HS3ST4: variants seen among roughly 807,000 people sequenced by gnomAD.
HS3ST4 encodes the protein heparan sulfate-glucosamine 3-sulfotransferase 4.
HS3ST4 carries 17 observed loss-of-function variants against 29.2 expected under a neutral mutation model. The observed-to-expected ratio is 0.58, with a 90% CI of 0.40 to 0.87. The LOEUF (loss-of-function observed/expected upper bound fraction) is 0.87. Among genes scored for constraint, HS3ST4 ranks in the 40% least tolerant of loss-of-function variants. The pLI is 0.00. For synonymous variants in HS3ST4, 314 were observed against 285.7 expected (o/e 1.10, Z -1.00); for missense variants, 627 against 634.5 (o/e 0.99, Z 0.13).
chr16:25,828,301 C>CTTTCTCTCT (rs1555467593), intron 1 of HS3ST4, among the ~76,000 whole-genome samples: 14 of 32,882 alleles, frequency 4.3e-4, no homozygotes, highest in Non-Finnish European at 6.0e-4. Flanking sequence ...TCTTTCTTTC[C>CTTTCTCTCT]CTCTCTCTCT....
chr16:25,930,926 A>AC (rs1968456388), intron 1 of HS3ST4, among the ~76,000 whole-genome samples: 2 of 152,156 alleles, frequency 1.3e-5, no homozygotes, highest in East Asian at 1.9e-4. Flanking sequence ...AAAAACAAAA[A>AC]AAAAACTCAG....
At chr16:25,784,968 G>A (rs1418732730) in intron 1 of HS3ST4, among the ~76,000 whole-genome samples, 1 of 152,192 alleles carries the variant, frequency 6.6e-6, no homozygotes, top group Non-Finnish European at 1.5e-5. Flanking sequence ...AATGCAGCTG[G>A]TGACTTTAAG....
At chr16:25,728,592 C>G (rs918392160) in intron 1 of HS3ST4, among the ~76,000 whole-genome samples, 1 of 151,994 alleles carries the variant, frequency 6.6e-6, no homozygotes, top group Non-Finnish European at 1.5e-5. Flanking sequence ...GGAAAGTATT[C>G]ATGGGAATTA....
At chr16:25,910,336 T>C (rs758305656) in intron 1 of HS3ST4, among the ~76,000 whole-genome samples, 2 of 151,770 alleles carry the variant, frequency 1.3e-5, no homozygotes, top group Non-Finnish European at 2.9e-5. Flanking sequence ...AACATTGGAG[T>C]TTATATAATA....
chr16:25,939,220 G>C (rs1308569187), intron 1 of HS3ST4, among the ~76,000 whole-genome samples: 1 of 151,996 alleles, frequency 6.6e-6, no homozygotes, highest in Non-Finnish European at 1.5e-5. Context: ...TAGACCCAAA[G>C]TAACCAGATC....
At chr16:25,974,750 T>C (rs538745528) in intron 1 of HS3ST4, among the ~76,000 whole-genome samples, 1 of 152,316 alleles carries the variant, frequency 6.6e-6, no homozygotes, top group African/African-American at 2.4e-5. Context: ...ATAATGAAAG[T>C]ATCATTTTTA....
At chr16:25,844,904 G>A (rs1967449126) in intron 1 of HS3ST4, among the ~76,000 whole-genome samples, 1 of 152,176 alleles carries the variant, frequency 6.6e-6, no homozygotes, top group Non-Finnish European at 1.5e-5. Flanking sequence ...TGCAGGACAT[G>A]GATGAAGGTG....
At chr16:25,859,937 C>T (rs1343720168) in intron 1 of HS3ST4, among the ~76,000 whole-genome samples, 1 of 152,158 alleles carries the variant, frequency 6.6e-6, no homozygotes, top group Non-Finnish European at 1.5e-5. Flanking sequence ...GGGAGATTTA[C>T]CACCTGAGCT....
At position 25,957,771 on chromosome 16, in the gene HS3ST4, A is replaced by G. The variant is rs1365807895; in HGVS notation, c.735-177841A>G. Among the ~76,000 whole-genome samples, 10 of 152,172 alleles carry G rather than the reference A, an allele frequency of 6.6e-5. No homozygotes were observed. The East Asian group carries it at 1.9e-3, about 29-fold the overall frequency. ...TTAAATCACAAAACTTCTACCATGAATAAAGGAGACTTGTTGTTTGGCTCA... is the reference window on the plus strand; with the variant it reads ...TTAAATCACAAAACTTCTACCATGAGTAAAGGAGACTTGTTGTTTGGCTCA... On this transcript the variant is annotated intron_variant, in intron 1 of 1. Coordinates refer to ENST00000331351, the MANE Select transcript of HS3ST4 (RefSeq NM_006040.3).
intron 1 of HS3ST4, among the ~76,000 whole-genome samples, chr16:26,040,350 C>T (rs1969625571): frequency 6.7e-6 from 1 of 149,110 alleles, no homozygotes; most frequent in Admixed American, 6.7e-5. Context: ...GTTGCCCAGG[C>T]TGGAGCGCAG....
At position 25,968,952 on chromosome 16, in the gene HS3ST4, T is replaced by G. The variant is rs919003752; in HGVS notation, c.735-166660T>G. On this transcript the variant is annotated intron_variant, in intron 1 of 1. Transcript: ENST00000331351. ...CTCCTGCGTCAACCTCCCGAGTAGCTGGGATTACAGGTGCATGCCAAGACA... is the reference window on the plus strand; with the variant it reads ...CTCCTGCGTCAACCTCCCGAGTAGCGGGGATTACAGGTGCATGCCAAGACA... Among the ~76,000 whole-genome samples, 3 of 152,144 alleles carry G rather than the reference T, an allele frequency of 2.0e-5. No homozygotes were observed. In the East Asian group the frequency reaches 5.8e-4, roughly 29 times the overall value.
chr16:26,011,703 TGA>T (rs72380298), intron 1 of HS3ST4, among the ~76,000 whole-genome samples: 6,023 of 99,970 alleles, frequency 0.06, 204 homozygotes, highest in African/African-American at 0.1. Context: ...TGTGTGTGTG[TGA>T]GAGAGAGACA....
chr16:26,088,723 C>T (rs1026046566), intron 1 of HS3ST4, among the ~76,000 whole-genome samples: 1 of 152,210 alleles, frequency 6.6e-6, no homozygotes, highest in African/African-American at 2.4e-5. Flanking sequence ...AGCTTCAACT[C>T]TTATGTTAAG....
chr16:26,092,795 A>T (rs1315644884), intron 1 of HS3ST4, among the ~76,000 whole-genome samples: 1 of 152,092 alleles, frequency 6.6e-6, no homozygotes, highest in South Asian at 2.1e-4. Flanking sequence ...GCATTGCCTC[A>T]CCCGGGAAGT....
chr16:25,909,873 A>T (rs562913806), intron 1 of HS3ST4, among the ~76,000 whole-genome samples: 2 of 152,018 alleles, frequency 1.3e-5, no homozygotes, highest in East Asian at 1.9e-4. Flanking sequence ...AGTTTAGTTT[A>T]GTTTTGTTTT....
intron 1 of HS3ST4, among the ~76,000 whole-genome samples, chr16:25,947,270 A>C (rs746862909): frequency 6.6e-6 from 1 of 152,186 alleles, no homozygotes. Context: ...GCTAATGTTA[A>C]CTTTAAATCC....
chr16:25,872,819 G>A (rs1967768734), intron 1 of HS3ST4, among the ~76,000 whole-genome samples: 1 of 152,152 alleles, frequency 6.6e-6, no homozygotes, highest in Non-Finnish European at 1.5e-5. Context: ...AAGAGTAAGA[G>A]ACATTGTGGT....
At chr16:26,118,378 A>G (rs966787171) in intron 1 of HS3ST4, among the ~76,000 whole-genome samples, 4 of 152,178 alleles carry the variant, frequency 2.6e-5, no homozygotes, top group African/African-American at 9.7e-5. Context: ...TTGAGCCACC[A>G]CACCTGGCCT....
intron 1 of HS3ST4, among the ~76,000 whole-genome samples, chr16:25,834,698 A>G (rs1311685718): frequency 6.6e-6 from 1 of 152,126 alleles, no homozygotes; most frequent in Non-Finnish European, 1.5e-5. Flanking sequence ...GTAATCCCAG[A>G]ACTTTAAGAG....
Sources: gnomAD v4.1 joint callset for allele counts (sites outside exome capture counted in the v4.1 genomes callset) on GRCh38, gnomAD v4.1.1 for gene constraint, MANE v1.5 for transcripts, NCBI Gene and HGNC (gene_info 2026-07-23, HGNC 2026-07-21) for gene names.